ACTR3C: variants seen among roughly 807,000 people sequenced by gnomAD.
ACTR3C encodes actin-related protein 3C.
ACTR3C carries 18 observed loss-of-function variants against 26.3 expected under a neutral mutation model. That is an observed-to-expected ratio of 0.68 (90% CI 0.47 to 1.01). The LOEUF (loss-of-function observed/expected upper bound fraction) is 1.01, where lower values mean the gene tolerates loss of function less well. Among genes scored for constraint, ACTR3C ranks in the 50% least tolerant of loss-of-function variants. The pLI is 0.00. For synonymous variants in ACTR3C, 55 were observed against 94.5 expected (o/e 0.58, Z 2.42); for missense variants, 184 against 250.7 (o/e 0.73, Z 1.80).
the ACTR3C span, among the ~76,000 whole-genome samples, chr7:150,036,805 C>G: frequency 7.3e-6 from 1 of 137,030 alleles, no homozygotes; most frequent in Non-Finnish European, 1.7e-5. Context: ...ACCTAACACC[C>G]ACAGTCCTCC....
the ACTR3C span, among the ~76,000 whole-genome samples, chr7:149,910,535 T>A: frequency 2.0e-5 from 3 of 151,992 alleles, no homozygotes; most frequent in Admixed American, 1.3e-4. Flanking sequence ...GGTAAGTAAA[T>A]CGAGAAGACT....
the ACTR3C span, among the ~76,000 whole-genome samples, chr7:149,997,801 G>A: frequency 0.025 from 3,747 of 149,944 alleles, 156 homozygotes; most frequent in Non-Finnish European, 0.04. Flanking sequence ...AAATCCTGAT[G>A]TGATTGTTTG....
chr7:149,977,717 G>A, the ACTR3C span, among the ~76,000 whole-genome samples: 1 of 152,134 alleles, frequency 6.6e-6, no homozygotes, highest in Non-Finnish European at 1.5e-5. Flanking sequence ...CACATCACAA[G>A]TTGATTATAG....
At chr7:150,037,476 T>G in the ACTR3C span, among the ~76,000 whole-genome samples, 3 of 38,368 alleles carry the variant, frequency 7.8e-5, no homozygotes, top group East Asian at 1.5e-3. Flanking sequence ...CCCCCTGCGA[T>G]GGGGGTAGCA....
the ACTR3C span, among the ~76,000 whole-genome samples, chr7:150,007,521 C>T: frequency 2.6e-5 from 4 of 152,124 alleles, no homozygotes; most frequent in Non-Finnish European, 4.4e-5. Flanking sequence ...ATTAAAGTCT[C>T]GCTCTGTAAC....
chr7:149,962,185 G>A, the ACTR3C span, among the ~76,000 whole-genome samples: 3 of 152,170 alleles, frequency 2.0e-5, no homozygotes, highest in South Asian at 6.2e-4. Flanking sequence ...CACAAGAAGT[G>A]TGAGCTCACA....
the ACTR3C span, among the ~76,000 whole-genome samples, chr7:150,124,557 G>A: frequency 1.3e-5 from 2 of 152,252 alleles, no homozygotes; most frequent in Admixed American, 1.3e-4. Flanking sequence ...AGAGAACACT[G>A]GGTTTGCTGG....
chr7:150,158,864 C>CCA, the ACTR3C span, among the ~76,000 whole-genome samples: 1,263 of 150,560 alleles, frequency 8.4e-3, 15 homozygotes, highest in African/African-American at 0.029. Flanking sequence ...ACAGGCATGC[C>CCA]CACACACACA....
At chr7:149,938,739 G>A in the ACTR3C span, among the ~76,000 whole-genome samples, 3 of 151,846 alleles carry the variant, frequency 2.0e-5, no homozygotes, top group East Asian at 3.9e-4. Flanking sequence ...AAAAGAGAAC[G>A]TAATATTGTA....
the ACTR3C span, among the ~76,000 whole-genome samples, chr7:150,235,829 T>C: frequency 3.3e-5 from 5 of 152,084 alleles, no homozygotes; most frequent in Non-Finnish European, 7.4e-5. Flanking sequence ...TAAGTCACTG[T>C]TATGCCAACA....
At chr7:150,122,228 T>A in the ACTR3C span, among the ~76,000 whole-genome samples, 456 of 151,710 alleles carry the variant, frequency 3.0e-3, 1 homozygote, top group South Asian at 8.1e-3. Context: ...AATTGACAAA[T>A]GGGATCTAAT....
the ACTR3C span, among the ~76,000 whole-genome samples, chr7:149,928,393 T>C: frequency 1.3e-5 from 2 of 148,282 alleles, no homozygotes; most frequent in African/African-American, 4.9e-5. Flanking sequence ...TTTTTTTTTT[T>C]TTTTTTTTAG....
chr7:150,226,160 G>C, the ACTR3C span, among the ~76,000 whole-genome samples: 1 of 152,152 alleles, frequency 6.6e-6, no homozygotes, highest in Non-Finnish European at 1.5e-5. Flanking sequence ...GTAAACTTTT[G>C]CATGTAGATT....
the ACTR3C span, among the ~76,000 whole-genome samples, chr7:149,911,826 C>T: frequency 6.6e-6 from 1 of 152,020 alleles, no homozygotes; most frequent in Non-Finnish European, 1.5e-5. Context: ...CAAATCCCAG[C>T]CCCACTATTT....
At chr7:150,316,577 C>T (rs1796932368) in intron 1 of ACTR3C, among the ~76,000 whole-genome samples, 2 of 150,548 alleles carry the variant, frequency 1.3e-5, no homozygotes, top group African/African-American at 4.9e-5. Context: ...CCTCTGCCTC[C>T]CAGGTTCAAG....
At chr7:149,939,188 C>T in the ACTR3C span, among the ~76,000 whole-genome samples, 1 of 152,030 alleles carries the variant, frequency 6.6e-6, no homozygotes, top group South Asian at 2.1e-4. Flanking sequence ...CCATGTTGGT[C>T]AGGCTGGTCT....
At chr7:150,228,211 T>A in the ACTR3C span, among the ~76,000 whole-genome samples, 1 of 152,236 alleles carries the variant, frequency 6.6e-6, no homozygotes, top group Non-Finnish European at 1.5e-5. Flanking sequence ...TGCACATAGT[T>A]CCTGTTCACA....
At chr7:150,051,995 A>G in the ACTR3C span, among the ~76,000 whole-genome samples, 15,162 of 131,474 alleles carry the variant, frequency 0.12, no homozygotes, top group African/African-American at 0.18. Context: ...GGAGAAGGAC[A>G]GAACCATATT....
the ACTR3C span, among the ~76,000 whole-genome samples, chr7:150,088,588 G>A: frequency 6.6e-6 from 1 of 152,164 alleles, no homozygotes; most frequent in Non-Finnish European, 1.5e-5. Flanking sequence ...TACCACTTGT[G>A]AAACGGAGAT....
Sources: allele counts gnomAD v4.1 joint callset (sites outside exome capture counted in the v4.1 genomes callset), GRCh38; gene constraint gnomAD v4.1.1; transcripts MANE v1.5; gene names NCBI Gene and HGNC (gene_info 2026-07-23, HGNC 2026-07-21).